The following PCP4 variants were observed in gnomAD, a reference collection of about 807,000 sequenced individuals.
PCP4 encodes the protein Purkinje cell protein 4.
A neutral mutation model predicts 10.0 loss-of-function variants in PCP4; 8 were observed. The ratio of observed to expected loss-of-function variants is 0.80; its 90% CI spans 0.47 to 1.45. The LOEUF is 1.45. Ranked by LOEUF, PCP4 falls within the 40% of genes most tolerant of loss-of-function variation. The probability of loss-of-function intolerance (pLI) is 0.00; values close to 1 mark genes in which losing one functional copy is unlikely to be tolerated. For missense variants in PCP4, 54 were observed against 74.4 expected (o/e 0.73, Z 1.01); for synonymous variants, 21 against 23.0 (o/e 0.91, Z 0.24).
intron 2 of PCP4, among the ~76,000 whole-genome samples, chr21:39,914,427 C>A (rs180771579): frequency 2.0e-5 from 3 of 151,952 alleles, no homozygotes; most frequent in Non-Finnish European, 4.4e-5. Flanking sequence ...CATACACACA[C>A]AAAATTAGCT....
At chr21:39,925,312 G>A (rs537785511) in intron 2 of PCP4, among the ~76,000 whole-genome samples, 1 of 152,330 alleles carries the variant, frequency 6.6e-6, no homozygotes, top group East Asian at 1.9e-4. Flanking sequence ...ACAGACTGAA[G>A]TTAAATGGTT....
chr21:39,875,450 T>A (rs965075085), intron 1 of PCP4, among the ~76,000 whole-genome samples: 2 of 152,156 alleles, frequency 1.3e-5, no homozygotes, highest in Non-Finnish European at 2.9e-5. Context: ...GAGCCTTCCT[T>A]TACAGATCAT....
At chr21:39,901,533 T>C (rs996188449) in intron 2 of PCP4, among the ~76,000 whole-genome samples, 3 of 152,248 alleles carry the variant, frequency 2.0e-5, no homozygotes, top group Non-Finnish European at 4.4e-5. Context: ...GTGATGCCAT[T>C]TTCTGCCATT....
At chr21:39,885,805 G>T (rs1260094819) in intron 1 of PCP4, among the ~76,000 whole-genome samples, 1 of 152,270 alleles carries the variant, frequency 6.6e-6, no homozygotes, top group Non-Finnish European at 1.5e-5. Flanking sequence ...TCCTGTGGAT[G>T]AGTCTGTTCT....
At chr21:39,927,323 A>ATCTATCTG (rs2087628000) in intron 2 of PCP4, among the ~76,000 whole-genome samples, 44 of 28,254 alleles carry the variant, frequency 1.6e-3, no homozygotes, top group African/African-American at 5.0e-3. Flanking sequence ...TCTATCTATC[A>ATCTATCTG]TCTATCTATC....
intron 1 of PCP4, among the ~76,000 whole-genome samples, chr21:39,898,062 A>G (rs2146337364): frequency 6.6e-6 from 1 of 151,864 alleles, no homozygotes; most frequent in Non-Finnish European, 1.5e-5. Flanking sequence ...AAAAAAAAAA[A>G]AAAAAGAAGA....
At chr21:39,916,010 A>T (rs1442500516) in intron 2 of PCP4, 1 of 152,144 alleles carries the variant, frequency 6.6e-6, no homozygotes, top group Admixed American at 6.5e-5. Flanking sequence ...TGGATGACTA[A>T]TTTGTCCTCT....
chr21:39,912,969 G>A (rs566497031), intron 2 of PCP4, among the ~76,000 whole-genome samples: 1 of 152,228 alleles, frequency 6.6e-6, no homozygotes, highest in African/African-American at 2.4e-5. Context: ...GCCTCCCAAA[G>A]TGAGGACATT....
chr21:39,880,946 T>A (rs2087372663), intron 1 of PCP4, among the ~76,000 whole-genome samples: 1 of 152,182 alleles, frequency 6.6e-6, no homozygotes. Flanking sequence ...ATGGAACAAA[T>A]ATCTATTATG....
intron 1 of PCP4, among the ~76,000 whole-genome samples, chr21:39,881,739 G>A (rs1306216095): frequency 2.6e-5 from 4 of 152,176 alleles, no homozygotes; most frequent in South Asian, 4.1e-4. Context: ...ACGTGATTCC[G>A]ACTCTGCACC....
intron 1 of PCP4, among the ~76,000 whole-genome samples, chr21:39,894,401 A>G (rs2087447679): frequency 6.6e-6 from 1 of 152,224 alleles, no homozygotes. Flanking sequence ...AGATATCTGA[A>G]TGCATATTCA....
chr21:39,918,256 C>A (rs1268742294), intron 2 of PCP4, among the ~76,000 whole-genome samples: 1 of 152,120 alleles, frequency 6.6e-6, no homozygotes, highest in African/African-American at 2.4e-5. Context: ...GGAGGAAGAT[C>A]TGATCTCATT....
chr21:39,910,181 T>A (rs1231114582), intron 2 of PCP4, among the ~76,000 whole-genome samples: 1 of 152,200 alleles, frequency 6.6e-6, no homozygotes, highest in Non-Finnish European at 1.5e-5. Flanking sequence ...TCTCCTCGGA[T>A]GTCAGAGAGA....
chr21:39,887,356 G>GT (rs369313605), intron 1 of PCP4, among the ~76,000 whole-genome samples: 17,359 of 144,164 alleles, frequency 0.12, 1,067 homozygotes, highest in African/African-American at 0.15. Flanking sequence ...TTGTTTTTTG[G>GT]TTTTTTTTTT....
chr21:39,887,198 A>C (rs935958007), intron 1 of PCP4, among the ~76,000 whole-genome samples: 3 of 152,234 alleles, frequency 2.0e-5, no homozygotes, highest in Non-Finnish European at 4.4e-5. Flanking sequence ...CAGGATAAAA[A>C]AATGACAGGA....
At chr21:39,868,405 A>G (rs2087304206) in intron 1 of PCP4, among the ~76,000 whole-genome samples, 2 of 152,228 alleles carry the variant, frequency 1.3e-5, no homozygotes, top group Non-Finnish European at 2.9e-5. Context: ...CTTCAGAAAT[A>G]AAATGCCTCC....
chr21:39,927,286 C>CTA (rs2087626575), intron 2 of PCP4, among the ~76,000 whole-genome samples: 1 of 106,244 alleles, frequency 9.4e-6, no homozygotes, highest in Non-Finnish European at 2.1e-5. Flanking sequence ...TCTGATCTAT[C>CTA]TATCTATCTA....
At chr21:39,914,287 G>A (rs1189145067) in intron 2 of PCP4, among the ~76,000 whole-genome samples, 1 of 152,074 alleles carries the variant, frequency 6.6e-6, no homozygotes, top group Non-Finnish European at 1.5e-5. Flanking sequence ...CCTTCTTAAA[G>A]TCAAAATCTT....
intron 2 of PCP4, among the ~76,000 whole-genome samples, chr21:39,922,247 T>C (rs944332256): frequency 2.6e-5 from 4 of 152,214 alleles, no homozygotes; most frequent in Admixed American, 6.5e-5. Flanking sequence ...TATTTGCCCA[T>C]CAAATGATCT....
Sources: gnomAD v4.1 joint callset for allele counts (sites outside exome capture counted in the v4.1 genomes callset) on GRCh38, gnomAD v4.1.1 for gene constraint, MANE v1.5 for transcripts, NCBI Gene and HGNC (gene_info 2026-07-23, HGNC 2026-07-21) for gene names.